The following GRHL1 variants were observed in gnomAD, a reference collection of about 807,000 sequenced individuals.
GRHL1 encodes grainyhead-like protein 1 homolog.
GRHL1 carries 38 observed loss-of-function variants against 75.7 expected under a neutral mutation model. The ratio of observed to expected loss-of-function variants is 0.50; its 90% CI spans 0.39 to 0.66. GRHL1 has a LOEUF of 0.66. GRHL1 is among the 30% of genes least tolerant of loss of function. The pLI, the probability that GRHL1 is intolerant of heterozygous loss-of-function variation, is 0.00. For missense variants in GRHL1, 589 were observed against 767.5 expected, an observed-to-expected ratio of 0.77 and a Z score of 2.75; for synonymous variants, 266 against 279.4, an observed-to-expected ratio of 0.95 and a Z score of 0.48.
chr2:9,989,775 C>T (rs1452808188), intron 9 of GRHL1, among the ~76,000 whole-genome samples: 2 of 152,184 alleles, frequency 1.3e-5, no homozygotes, highest in Non-Finnish European at 2.9e-5. Flanking sequence ...GTCGTGAACT[C>T]CTGGCCTCAA....
At position 9,961,231 on chromosome 2, in the gene GRHL1, A is replaced by T; in HGVS notation, c.464A>T (p.His155Leu). The T allele has an allele frequency of 6.2e-7, 1 of 1,613,748 alleles. No homozygotes were observed. Among genetic ancestry groups the T allele is most frequent in the Non-Finnish European group, 8.5e-7 (1 of 1,179,926 alleles). Residue 155 changes from histidine to leucine, a missense_variant, in exon 4 of 16, where the codon CAC (histidine) becomes CTC (leucine). Transcript: ENST00000324907. ...GTCTCCATAGCAACGATGCCTACCCACTCCATCAAGACAGAAACCCAGCCA... is the reference window on the plus strand; with the variant it reads ...GTCTCCATAGCAACGATGCCTACCCTCTCCATCAAGACAGAAACCCAGCCA... The part of the protein sequence containing the change: ...VTVSIATMPT[H>L]SIKTETQPHG...
chr2:9,998,047 G>A (rs543980970), intron 14 of GRHL1, among the ~76,000 whole-genome samples: 2 of 152,234 alleles, frequency 1.3e-5, no homozygotes, highest in African/African-American at 4.8e-5. Flanking sequence ...GGTCTGGTCT[G>A]AAACACGTGT....
At chr2:9,963,187 G>A (rs1667346258) in intron 5 of GRHL1, among the ~76,000 whole-genome samples, 1 of 152,200 alleles carries the variant, frequency 6.6e-6, no homozygotes, top group Non-Finnish European at 1.5e-5. Flanking sequence ...TAGGATAGGG[G>A]TCAGCTAACT....
At chr2:9,958,642 G>C (rs534808349) in intron 2 of GRHL1, 144 bp from the exon 3 acceptor site, 4 of 584,214 alleles carry the variant, frequency 6.8e-6, no homozygotes, top group Non-Finnish European at 1.2e-5. Context: ...ATTATAATTT[G>C]TGTGTCCCCA....
At chr2:9,952,220 G>GC (rs1370743408) in intron 1 of GRHL1, among the ~76,000 whole-genome samples, 1 of 152,000 alleles carries the variant, frequency 6.6e-6, no homozygotes, top group Non-Finnish European at 1.5e-5. Context: ...GGGCCTCCCC[G>GC]CCCCCCTCTC....
At chr2:9,957,622 G>C (rs999731323) in intron 2 of GRHL1, among the ~76,000 whole-genome samples, 2 of 151,890 alleles carry the variant, frequency 1.3e-5, no homozygotes, top group African/African-American at 4.8e-5. Context: ...TGTTGGCCAG[G>C]ATGGTCTCGA....
intron 8 of GRHL1, among the ~76,000 whole-genome samples, chr2:9,980,958 C>T (rs181797769): frequency 3.3e-5 from 5 of 152,264 alleles, no homozygotes; most frequent in East Asian, 1.9e-4. Flanking sequence ...AGGAATGGTC[C>T]GAGCCTGGTT....
At chr2:9,959,778 A>AT (rs1667189607) in intron 3 of GRHL1, 1 of 152,048 alleles carries the variant, frequency 6.6e-6, no homozygotes, top group Non-Finnish European at 1.5e-5. Flanking sequence ...TATTTTATTT[A>AT]TTTTTGCTGG....
chr2:10,000,097 C>T (rs899391423), intron 15 of GRHL1, among the ~76,000 whole-genome samples: 2 of 152,224 alleles, frequency 1.3e-5, no homozygotes, highest in African/African-American at 4.8e-5. Flanking sequence ...CATCCTTTCA[C>T]CTCAGCTTCC....
chr2:9,951,766 C>G lies in GRHL1; in HGVS notation c.-68C>G, dbSNP rs868784115. On this transcript the variant is annotated 5_prime_UTR_variant, in exon 1 of 16. Transcript: ENST00000324907. The surrounding 1 kb of genome is among the most constrained non-coding windows in gnomAD (Gnocchi z 4.2). ...GCAGCCGCCGCCGCCGCCTCCTCCC[C>G]CCGGATCGGGTGTACTGTCCCAACC... is the stretch of plus-strand genomic sequence containing the variant. The G allele has an allele frequency of 9.7e-5, 140 of 1,447,658 alleles. No homozygotes were observed. Among genetic ancestry groups the G allele is most frequent in the Middle Eastern group, 5.5e-4 (3 of 5,504 alleles). 89.7% of individuals were successfully genotyped at this position (1,447,658 alleles called of 1,614,324 possible).
chr2:9,978,575 T>G (rs1426989912), intron 8 of GRHL1, among the ~76,000 whole-genome samples: 1 of 152,128 alleles, frequency 6.6e-6, no homozygotes, highest in East Asian at 1.9e-4. Flanking sequence ...CTATTAGTGG[T>G]TTTTCCTAGC....
chr2:9,958,649 C>T lies in GRHL1; in HGVS notation c.208-137C>T, dbSNP rs924029618. ...GGGCAGATATTATAATTTGTGTGTCCCCATAGCCTGGTGTTTGCTAGGCAA... is the reference window on the plus strand; with the variant it reads ...GGGCAGATATTATAATTTGTGTGTCTCCATAGCCTGGTGTTTGCTAGGCAA... On this transcript the variant is annotated intron_variant, in intron 2 of 15. Transcript: ENST00000324907. The T allele has an allele frequency of 8.5e-5, 53 of 624,620 alleles. No homozygotes were observed. The African/African-American group carries it at 8.6e-4, about 10-fold the overall frequency. 38.7% of individuals were successfully genotyped at this position (624,620 alleles called of 1,614,324 possible). A position where few individuals can be genotyped will look rare whatever the true frequency, so the allele number is the denominator to read the frequency against.
intron 14 of GRHL1, among the ~76,000 whole-genome samples, chr2:9,996,821 C>T (rs1249564756): frequency 6.6e-6 from 1 of 152,206 alleles, no homozygotes; most frequent in Non-Finnish European, 1.5e-5. Flanking sequence ...CAAGACCTCA[C>T]TACAGCCTAT....
rs745630784 is a variant in GRHL1 at position 9,993,254 on chromosome 2, A to ATGTTT, written c.1499+27_1499+31dup. On this transcript the variant is annotated intron_variant, in intron 12 of 15. Coordinates refer to ENST00000324907, the MANE Select transcript of GRHL1 (RefSeq NM_198182.3). ...AATTGGAGGGTGAAGGGTAAGATTT[A>ATGTTT]TGTTTTGTTTTGTTTTGTTTTAATA... The ATGTTT allele has an allele frequency of 7.3e-5, 117 of 1,606,272 alleles. No individual in the cohort carries two copies. The highest frequency in any genetic ancestry group is 3.3e-4 in the Middle Eastern group (2 of 6,040).
chr2:9,998,052 A>G (rs1668950490), intron 14 of GRHL1, among the ~76,000 whole-genome samples: 1 of 152,056 alleles, frequency 6.6e-6, no homozygotes, highest in Non-Finnish European at 1.5e-5. Flanking sequence ...GGTCTGAAAC[A>G]CGTGTTTGGA....
intron 8 of GRHL1, among the ~76,000 whole-genome samples, chr2:9,981,501 C>T (rs540217601): frequency 9.8e-5 from 15 of 152,342 alleles, no homozygotes; most frequent in South Asian, 6.2e-4. Flanking sequence ...CTCTGAGGCG[C>T]GGGCCAGCTA....
chr2:9,958,550 G>A (rs951056861), intron 2 of GRHL1, among the ~76,000 whole-genome samples: 1 of 151,942 alleles, frequency 6.6e-6, no homozygotes, highest in Non-Finnish European at 1.5e-5. Flanking sequence ...CATGCCCTGA[G>A]TTTATTTGGC....
rs756448016 is a variant in GRHL1 at position 9,999,059 on chromosome 2, G to A, written c.1742+30G>A. On this transcript the variant is annotated intron_variant, in intron 15 of 15. Transcript: ENST00000324907. ...GCAGCCACTGCGTCCTGTGTACCTC[G>A]GAAAGTGCTGATGCCCCCCGCAGTG... 4.1e-5 allele frequency: 53 copies of A among 1,287,176 alleles called. No homozygotes were observed. The Admixed American group carries it at 9.0e-4, about 22-fold the overall frequency. 79.7% of individuals were successfully genotyped at this position (1,287,176 alleles called of 1,614,324 possible).
chr2:9,986,480 C>G (rs1265088474), intron 9 of GRHL1, among the ~76,000 whole-genome samples, 198 bp downstream of exon 9: 2 of 152,082 alleles, frequency 1.3e-5, no homozygotes, highest in African/African-American at 2.4e-5. Flanking sequence ...TGAAGTGGTG[C>G]AATCTCGGCT....
Sources: allele counts gnomAD v4.1 joint callset (sites outside exome capture counted in the v4.1 genomes callset), GRCh38; gene constraint gnomAD v4.1.1; non-coding constraint Gnocchi (gnomAD v3.1); transcripts MANE v1.5; gene names NCBI Gene and HGNC (gene_info 2026-07-23, HGNC 2026-07-21).